Variants in FGD5 observed in about 807,000 individuals in gnomAD.
The protein encoded by FGD5 is FYVE, RhoGEF and PH domain-containing protein 5.
Under a neutral mutation model 133.4 loss-of-function variants are expected in FGD5, and 28 were observed. The ratio of observed to expected loss-of-function variants is 0.21; its 90% CI spans 0.16 to 0.29. The LOEUF is 0.29. Among genes scored for constraint, FGD5 ranks in the 10% least tolerant of loss-of-function variants. The pLI, the probability that FGD5 is intolerant of heterozygous loss-of-function variation, is 1.00. For synonymous variants in FGD5, 810 were observed against 776.5 expected (o/e 1.04, Z -0.72); for missense variants, 1,858 against 1,895.2 (o/e 0.98, Z 0.36).
intron 2 of FGD5, among the ~76,000 whole-genome samples, chr3:14,872,697 G>A (rs902658331): frequency 6.6e-6 from 1 of 152,224 alleles, no homozygotes. Context: ...TATGTCAAAA[G>A]ATGAAGCTGG....
chr3:14,920,525 A>C, intron 13 of FGD5: 1 of 152,028 alleles, frequency 6.6e-6, no homozygotes, highest in East Asian at 1.9e-4. Flanking sequence ...TATTAGCCAC[A>C]CCTCAGTGCC....
At chr3:14,932,433 C>T in intron 18 of FGD5, 144 bp from the exon 19 acceptor site, 1 of 881,772 alleles carries the variant, frequency 1.1e-6, no homozygotes, top group South Asian at 2.0e-5. Context: ...AAGCGAGGGT[C>T]AACAGTTTGT....
chr3:14,851,135 TGAG>T (rs1383334013), intron 1 of FGD5, among the ~76,000 whole-genome samples: 1 of 140,830 alleles, frequency 7.1e-6, no homozygotes, highest in East Asian at 2.2e-4. Context: ...CTGTAAGCGT[TGAG>T]GAGCTCTGCC....
intron 1 of FGD5, among the ~76,000 whole-genome samples, chr3:14,829,840 G>T (rs989482694): frequency 1.3e-5 from 2 of 152,146 alleles, no homozygotes; most frequent in African/African-American, 4.8e-5. Context: ...TGCACCCCCA[G>T]ATTCCTTAGA....
At chr3:14,831,275 A>G (rs1357398471) in intron 1 of FGD5, among the ~76,000 whole-genome samples, 1 of 152,200 alleles carries the variant, frequency 6.6e-6, no homozygotes, top group Non-Finnish European at 1.5e-5. Flanking sequence ...GCCATTGGAG[A>G]GAAGTGTTAC....
At position 14,933,243 on chromosome 3, in the gene FGD5, C is replaced by T. The variant is rs2038928378; in HGVS notation, c.*76C>T. 3 of 1,531,912 alleles carry T rather than the reference C, an allele frequency of 2.0e-6. No homozygotes were observed. The African/African-American group carries it at 4.1e-5, about 21-fold the overall frequency. The allele number at this position is 1,531,912 out of a possible 1,614,324, so 94.9% of individuals were successfully genotyped here. A position where few individuals can be genotyped will look rare whatever the true frequency, so the allele number is the denominator to read the frequency against. ...TGCTTTTAGAAGCTAAGCTGTGGCT[C>T]AACTCATCCGGACACACACCTGGAT... On this transcript the variant is annotated 3_prime_UTR_variant, in exon 20 of 20. Transcript: ENST00000285046.
intron 2 of FGD5, among the ~76,000 whole-genome samples, chr3:14,867,806 C>T (rs1052540466): frequency 3.9e-5 from 6 of 152,208 alleles, no homozygotes; most frequent in African/African-American, 1.4e-4. Flanking sequence ...ATCTCCATGC[C>T]CTAGTCACAT....
chr3:14,913,150 CT>C (rs1376986889), intron 11 of FGD5, among the ~76,000 whole-genome samples: 2 of 152,172 alleles, frequency 1.3e-5, no homozygotes, highest in African/African-American at 4.8e-5. Flanking sequence ...TTCTGTGACC[CT>C]TAGACAACTC....
Position 14,929,333 on chromosome 3 carries a change from A to C in FGD5, c.4197+3135A>C, listed in dbSNP as rs192586136. 2.2e-3 allele frequency among the ~76,000 whole-genome samples: 338 copies of C among 152,330 alleles called. 1 individual carries two copies. The highest frequency in any genetic ancestry group is 7.6e-3 in the African/African-American group (315 of 41,582). On this transcript the variant is annotated intron_variant, in intron 18 of 19. Transcript: ENST00000285046. ...TTCATACAGGTTTTTGTGGGAACAT[A>C]AATTTTTATTTCACTTGGGTCATTA...
intron 1 of FGD5, among the ~76,000 whole-genome samples, chr3:14,833,150 C>T (rs1457202053): frequency 6.6e-6 from 1 of 152,212 alleles, no homozygotes. Context: ...GAATTCCGAG[C>T]TTGCATCTAA....
At chr3:14,856,896 C>T (rs2037291729) in intron 1 of FGD5, among the ~76,000 whole-genome samples, 1 of 152,166 alleles carries the variant, frequency 6.6e-6, no homozygotes, top group South Asian at 2.1e-4. Context: ...CCTTATTGCT[C>T]TGGCTAGGAC....
intron 1 of FGD5, among the ~76,000 whole-genome samples, chr3:14,830,557 C>A (rs2036686986): frequency 1.3e-5 from 2 of 152,140 alleles, no homozygotes; most frequent in South Asian, 4.1e-4. Context: ...GGGTTTCTCC[C>A]CGTAGGAGGT....
chr3:14,918,738 G>A lies in FGD5; in HGVS notation c.3490-16G>A. ...TCCCTGCCCCACCCTGAAGGAGGCT[G>A]CTGTTGGTTTTCCAGGTCAGCCGCC... On this transcript the variant is annotated splice_polypyrimidine_tract_variant and intron_variant, in intron 12 of 19. Coordinates refer to ENST00000285046, the MANE Select transcript of FGD5 (RefSeq NM_152536.4). The A allele has an allele frequency of 6.2e-7, 1 of 1,613,878 alleles. No homozygotes were observed. Among genetic ancestry groups the A allele is most frequent in the Non-Finnish European group, 8.5e-7 (1 of 1,179,824 alleles).
At chr3:14,814,774 C>T (rs1289057400), upstream of FGD5, among the ~76,000 whole-genome samples, 5 of 152,194 alleles carry the variant, frequency 3.3e-5, no homozygotes, top group Admixed American at 1.3e-4. Context: ...GAGTTTGACC[C>T]GTGCAAACTG....
At position 14,821,751 on chromosome 3, in the gene FGD5, T is replaced by A. The variant is rs556496598; in HGVS notation, c.2525+155T>A. 1,596 of 1,066,910 alleles carry A rather than the reference T, an allele frequency of 1.5e-3. 4 individuals carry two copies. The highest frequency in any genetic ancestry group is 1.9e-3 in the Non-Finnish European group (1,490 of 780,244). The allele number at this position is 1,066,910 out of a possible 1,614,324, so 66.1% of individuals were successfully genotyped here. On this transcript the variant is annotated intron_variant, in intron 1 of 19. Coordinates refer to ENST00000285046, the MANE Select transcript of FGD5 (RefSeq NM_152536.4). ...GTGAGTGGCTTTATATCTCTGAGCC[T>A]CGGTTACTTCATCCGTGAAATGGGA...
At chr3:14,859,889 C>G (rs556451805) in intron 1 of FGD5, among the ~76,000 whole-genome samples, 22 of 152,266 alleles carry the variant, frequency 1.4e-4, no homozygotes, top group South Asian at 1.2e-3. Context: ...CACTCCCCCC[C>G]CAAAAAGGGA....
In FGD5 at chr3:14,884,527, AC is replaced by A. The variant is rs553330708; in HGVS notation, c.2748+3759del. Reference sequence around the variant, plus strand: ...GCTCTTCCCTCTGCTGGAAGGTCCTACCCCGATCTTCCCATTCAGGTCTCAG... The same window carrying A: ...GCTCTTCCCTCTGCTGGAAGGTCCTACCCGATCTTCCCATTCAGGTCTCAG... On this transcript the variant is annotated intron_variant, in intron 4 of 19. Coordinates refer to ENST00000285046, the MANE Select transcript of FGD5 (RefSeq NM_152536.4). Among the ~76,000 whole-genome samples the A allele has an allele frequency of 3.4e-3, 517 of 152,146 alleles. 1 individual carries two copies. Among genetic ancestry groups the A allele is most frequent in the Middle Eastern group, 0.01 (3 of 294 alleles).
chr3:14,875,594 G>A (rs1026351221), intron 2 of FGD5, among the ~76,000 whole-genome samples: 1 of 152,178 alleles, frequency 6.6e-6, no homozygotes, highest in African/African-American at 2.4e-5. Context: ...GGGAGCCTCT[G>A]CAGCCACTCA....
chr3:14,879,569 G>C (rs1287920943), intron 2 of FGD5, among the ~76,000 whole-genome samples: 1 of 152,182 alleles, frequency 6.6e-6, no homozygotes, highest in African/African-American at 2.4e-5. Context: ...ATGTGCGCTC[G>C]CTCACTCACT....
Sources: allele counts gnomAD v4.1 joint callset (sites outside exome capture counted in the v4.1 genomes callset), GRCh38; gene constraint gnomAD v4.1.1; transcripts MANE v1.5; gene names NCBI Gene and HGNC (gene_info 2026-07-23, HGNC 2026-07-21).